Variants in GRM5 observed in about 807,000 individuals in gnomAD.
The protein encoded by GRM5 is glutamate metabotropic receptor 5, also known as metabotropic glutamate receptor 5.
GRM5 carries 19 observed loss-of-function variants against 83.1 expected under a neutral mutation model. That is an observed-to-expected ratio of 0.23 (90% CI 0.16 to 0.34). GRM5 has a LOEUF of 0.34. Ranked by LOEUF, GRM5 falls within the 10% of genes least tolerant of loss-of-function variation. The pLI is 1.00. For synonymous variants in GRM5, 675 were observed against 633.6 expected (o/e 1.07, Z -0.98); for missense variants, 1,160 against 1,588.3 (o/e 0.73, Z 4.58).
intron 4 of GRM5, among the ~76,000 whole-genome samples, chr11:88,613,482 G>A (rs551355584): frequency 5.3e-5 from 8 of 152,028 alleles, no homozygotes; most frequent in African/African-American, 1.2e-4. Flanking sequence ...AAAAATTATC[G>A]TTGGTTTATA....
intron 1 of GRM5, among the ~76,000 whole-genome samples, chr11:89,054,298 A>G (rs1395412728): frequency 6.6e-6 from 1 of 152,172 alleles, no homozygotes; most frequent in Non-Finnish European, 1.5e-5. Flanking sequence ...AGAAAGAGAA[A>G]AATCAATGAG....
At chr11:88,620,478 T>C (rs901439085) in intron 4 of GRM5, among the ~76,000 whole-genome samples, 7 of 152,144 alleles carry the variant, frequency 4.6e-5, no homozygotes, top group African/African-American at 9.7e-5. Flanking sequence ...ATCATACTTA[T>C]GATGGTTGAA....
intron 4 of GRM5, among the ~76,000 whole-genome samples, chr11:88,644,725 G>C (rs1939393267): frequency 6.6e-6 from 1 of 151,972 alleles, no homozygotes; most frequent in African/African-American, 2.4e-5. Flanking sequence ...CAAAGAAACA[G>C]CTAAATAGCT....
At chr11:88,992,030 A>G (rs949044848) in intron 2 of GRM5, among the ~76,000 whole-genome samples, 1 of 152,146 alleles carries the variant, frequency 6.6e-6, no homozygotes, top group African/African-American at 2.4e-5. Context: ...AATTAAACTA[A>G]AGAGCTTCTG....
At chr11:88,890,750 T>C (rs193230446) in intron 2 of GRM5, among the ~76,000 whole-genome samples, 2 of 152,118 alleles carry the variant, frequency 1.3e-5, no homozygotes, top group Non-Finnish European at 2.9e-5. Flanking sequence ...AGATCTTATA[T>C]GCATTTCTGC....
Position 88,627,204 on chromosome 11 carries a change from T to C in GRM5, c.1148-22240A>G, listed in dbSNP as rs1282950048. 2.6e-5 allele frequency among the ~76,000 whole-genome samples: 4 copies of C among 152,234 alleles called. No homozygotes were observed. The East Asian group carries it at 7.7e-4, about 29-fold the overall frequency. On this transcript the variant is annotated intron_variant, in intron 4 of 9. Transcript: ENST00000305447. ...GCTATTAAGTGGCAGAGCCAGGATA[T>C]AAATCTAGCCTGTCAAATGCCAAAG...
At chr11:88,956,986 T>C (rs1028291199) in intron 2 of GRM5, among the ~76,000 whole-genome samples, 17 of 125,070 alleles carry the variant, frequency 1.4e-4, no homozygotes, top group African/African-American at 3.8e-4. Flanking sequence ...ATTTAGTCCA[T>C]TGTTTGTAAT....
chr11:88,881,688 T>C (rs633918), intron 2 of GRM5, among the ~76,000 whole-genome samples: 40,305 of 152,070 alleles, frequency 0.27, 6,533 homozygotes, highest in Non-Finnish European at 0.37. Flanking sequence ...CTCATTTAAA[T>C]AGTGGCCATT....
At chr11:88,511,240 G>A (rs1941361389) in intron 9 of GRM5, among the ~76,000 whole-genome samples, 1 of 152,110 alleles carries the variant, frequency 6.6e-6, no homozygotes, top group African/African-American at 2.4e-5. Flanking sequence ...CACTCCCCTT[G>A]GGCCCCCTTG....
At chr11:89,020,521 C>T (rs368283585) in intron 2 of GRM5, among the ~76,000 whole-genome samples, 21 of 152,246 alleles carry the variant, frequency 1.4e-4, no homozygotes, top group African/African-American at 5.1e-4. Flanking sequence ...AAAACTATAA[C>T]ACTGTTAGAG....
chr11:89,048,871 T>C (rs1454293411), intron 1 of GRM5, among the ~76,000 whole-genome samples: 1 of 152,204 alleles, frequency 6.6e-6, no homozygotes, highest in Non-Finnish European at 1.5e-5. Flanking sequence ...GTAAACTGTT[T>C]AACCTCTTGG....
chr11:88,658,887 A>G (rs1450304114), intron 3 of GRM5, among the ~76,000 whole-genome samples: 1 of 152,174 alleles, frequency 6.6e-6, no homozygotes, highest in African/African-American at 2.4e-5. Context: ...AAAGATTTCC[A>G]ACTTTGTCAT....
intron 9 of GRM5, among the ~76,000 whole-genome samples, chr11:88,522,543 GA>G (rs1008749137): frequency 1.3e-4 from 19 of 149,902 alleles, no homozygotes; most frequent in African/African-American, 4.1e-4. Flanking sequence ...CTCCCTAAGG[GA>G]AAGCTTAAGC....
At chr11:89,020,164 C>G (rs1940948240) in intron 2 of GRM5, among the ~76,000 whole-genome samples, 1 of 152,178 alleles carries the variant, frequency 6.6e-6, no homozygotes, top group Admixed American at 6.5e-5. Flanking sequence ...GTGAGTTAAG[C>G]ATTTCTGGTC....
At chr11:88,850,596 T>G (rs886366373) in intron 2 of GRM5, among the ~76,000 whole-genome samples, 1 of 150,538 alleles carries the variant, frequency 6.6e-6, no homozygotes, top group African/African-American at 2.4e-5. Context: ...TTATATAGTA[T>G]AGATGTTGCC....
chr11:88,874,286 T>A lies in GRM5; in HGVS notation c.662-24131A>T, dbSNP rs188121631. On this transcript the variant is annotated intron_variant, in intron 2 of 9. Transcript: ENST00000305447. ...AATAGAGAACCCAGAAATAAATCCA[T>A]GCATTTCCAGCCAATTGCTTTTTGA... Among the ~76,000 whole-genome samples the A allele has an allele frequency of 2.5e-3, 377 of 151,956 alleles. 1 individual carries two copies. Among genetic ancestry groups the A allele is most frequent in the African/African-American group, 8.5e-3 (351 of 41,534 alleles).
At chr11:89,054,734 A>G (rs1043298573) in intron 1 of GRM5, among the ~76,000 whole-genome samples, 8 of 152,292 alleles carry the variant, frequency 5.3e-5, no homozygotes, top group African/African-American at 1.9e-4. Context: ...AGAAGCAGTA[A>G]AATGTGAAGT....
chr11:88,641,751 G>A (rs1299888264), intron 4 of GRM5, among the ~76,000 whole-genome samples: 2 of 152,160 alleles, frequency 1.3e-5, no homozygotes, highest in East Asian at 1.9e-4. Flanking sequence ...CCACTTCTAG[G>A]GCATGTGGGT....
At chr11:88,852,722 T>C (rs892195246) in intron 2 of GRM5, among the ~76,000 whole-genome samples, 2 of 152,026 alleles carry the variant, frequency 1.3e-5, no homozygotes, top group East Asian at 1.9e-4. Flanking sequence ...TTTTAACACA[T>C]GTGTGACATA....
Sources: allele counts gnomAD v4.1 joint callset (sites outside exome capture counted in the v4.1 genomes callset), GRCh38; gene constraint gnomAD v4.1.1; transcripts MANE v1.5; gene names NCBI Gene and HGNC (gene_info 2026-07-23, HGNC 2026-07-21).